Variants in ATP11C observed in about 807,000 individuals in gnomAD.
The protein encoded by ATP11C is phospholipid-transporting ATPase IG.
A neutral mutation model predicts 97.4 loss-of-function variants in ATP11C; 36 were observed. That is an observed-to-expected ratio of 0.37 (90% confidence interval 0.28 to 0.49). The LOEUF is 0.49. ATP11C is among the 20% of genes least tolerant of loss of function. ATP11C has a pLI of 0.98. For missense variants in ATP11C, 730 were observed against 824.6 expected, an observed-to-expected ratio of 0.89 and a Z score of 1.40; for synonymous variants, 275 against 290.9, an observed-to-expected ratio of 0.95 and a Z score of 0.56.
chrX:139,811,076 A>G (rs1215129435), intron 5 of ATP11C, among the ~76,000 whole-genome samples: 1 of 111,628 alleles, frequency 9.0e-6, no homozygotes, highest in African/African-American at 3.3e-5. Flanking sequence ...TTGAAGTACT[A>G]GAGTATAACT....
At chrX:139,915,075 G>C (rs756726217) in intron 1 of ATP11C, among the ~76,000 whole-genome samples, 1 of 111,412 alleles carries the variant, frequency 9.0e-6, no homozygotes, top group African/African-American at 3.3e-5. Context: ...TGAAATCATG[G>C]ATCAGCAATT....
rs1391820454 is a variant in ATP11C, at chrX:139,741,035, T to G, written c.3090A>C (p.Leu1030Phe). The G allele has an allele frequency of 5.8e-6, 7 of 1,206,011 alleles. No individual in the cohort carries two copies. The highest frequency in any genetic ancestry group is 7.8e-6 in the Non-Finnish European group (7 of 892,247). The change falls in exon 27 of 30, where the codon TTA becomes TTC. Residue 1030 changes from leucine to phenylalanine, a missense_variant. Coordinates refer to ENST00000682941, the MANE Select transcript of ATP11C (RefSeq NM_001353812.2). ...WINHFVIWGSLAFYVFFSFFW... is the reference protein window; with the variant it reads ...WINHFVIWGSFAFYVFFSFFW... ...AGAATGAGAAAAATACATAGAAGGC[T>G]AAAGAACCCCAAATCACAAAGTGAT...
chrX:139,936,380 A>G (rs2085515480), upstream of ATP11C, among the ~76,000 whole-genome samples: 1 of 111,108 alleles, frequency 9.0e-6, no homozygotes, highest in Non-Finnish European at 1.9e-5. Flanking sequence ...GACTATGTAA[A>G]GTAGGCCCTC....
At chrX:139,823,141 C>T (rs1043962756) in intron 2 of ATP11C, among the ~76,000 whole-genome samples, 4 of 110,276 alleles carry the variant, frequency 3.6e-5, no homozygotes, top group African/African-American at 9.9e-5. Context: ...ACCCATGAGG[C>T]GGAGGTTGCA....
chrX:139,841,940 TA>T (rs1312126823), intron 1 of ATP11C, among the ~76,000 whole-genome samples: 1 of 112,449 alleles, frequency 8.9e-6, no homozygotes, highest in Non-Finnish European at 1.9e-5. Context: ...CTTATCAGGT[TA>T]TAACTCAAAG....
At chrX:139,795,126 C>T (rs1364796073) in intron 12 of ATP11C, among the ~76,000 whole-genome samples, 1 of 112,040 alleles carries the variant, frequency 8.9e-6, no homozygotes, top group Non-Finnish European at 1.9e-5. Flanking sequence ...CGGCAGCCCA[C>T]ATTGTCAACA....
rs1457585067 is a variant in ATP11C at position 139,757,886 on chromosome X, G to GACAAGGATTAACATTTTC, written c.2641-37_2641-20dup. 1.8e-6 allele frequency: 2 copies of GACAAGGATTAACATTTTC among 1,081,415 alleles called. No individual in the cohort carries two copies. The highest frequency in any genetic ancestry group is 3.7e-5 in the African/African-American group (2 of 53,524). 89.1% of individuals were successfully genotyped at this position (1,081,415 alleles called of 1,213,427 possible). On this transcript the variant is annotated intron_variant, in intron 22 of 29. Coordinates refer to ENST00000682941, the MANE Select transcript of ATP11C (RefSeq NM_001353812.2). ...AAAGGTTCTGAAAAAAAAAAATTAAGACAAGGATTAACATTTTCACTTAAT... is the reference window on the plus strand; with the variant it reads ...AAAGGTTCTGAAAAAAAAAAATTAAGACAAGGATTAACATTTTCACAAGGATTAACATTTTCACTTAAT...
At chrX:139,820,046 G>C (rs2083371797) in intron 2 of ATP11C, among the ~76,000 whole-genome samples, 1 of 111,338 alleles carries the variant, frequency 9.0e-6, no homozygotes, top group Admixed American at 9.5e-5. Flanking sequence ...AATTAGCCGG[G>C]TGTGGTGACG....
chrX:139,773,772 C>T (rs1394959680), intron 19 of ATP11C, among the ~76,000 whole-genome samples: 1 of 112,213 alleles, frequency 8.9e-6, no homozygotes, highest in African/African-American at 3.2e-5. Context: ...GATGAGGATA[C>T]AGATATAGCA....
intron 1 of ATP11C, among the ~76,000 whole-genome samples, chrX:139,849,069 G>A (rs1387910710): frequency 1.8e-5 from 2 of 111,219 alleles, no homozygotes; most frequent in East Asian, 5.7e-4. Flanking sequence ...CTCTCTATAT[G>A]GGTGACCTTG....
intron 26 of ATP11C, among the ~76,000 whole-genome samples, chrX:139,742,864 TAAAA>T (rs573243237): frequency 3.4e-3 from 68 of 20,122 alleles, no homozygotes; most frequent in African/African-American, 0.015. Flanking sequence ...ATTTTTAAAT[TAAAA>T]AAAAAAAAAT....
chrX:139,816,808 A>T, intron 4 of ATP11C, 55 bp downstream of exon 4: 1 of 839,269 alleles, frequency 1.2e-6, no homozygotes, highest in Non-Finnish European at 1.7e-6. Flanking sequence ...TTTGACAATG[A>T]AATTCCAACA....
At chrX:139,927,529 G>A (rs1398595296) in intron 1 of ATP11C, among the ~76,000 whole-genome samples, 30 of 111,206 alleles carry the variant, frequency 2.7e-4, no homozygotes, top group Non-Finnish European at 5.7e-5. Context: ...GCTTGAACTC[G>A]TGAGGCGGAG....
At chrX:139,740,398 CATCT>C (rs945822566) in intron 27 of ATP11C, among the ~76,000 whole-genome samples, 23 of 111,553 alleles carry the variant, frequency 2.1e-4, no homozygotes, top group Non-Finnish European at 3.8e-4. Flanking sequence ...TCTGAACAAA[CATCT>C]ATCTACTGAA....
In ATP11C at chrX:139,742,877, ATATATATATATATATATAT is replaced by A. The variant is rs1191456088; in HGVS notation, c.3030+663_3030+681del. ...TTATTTTTAAATTAAAAAAAAAAAA[ATATATATATATATATATAT>A]ATATATATATATATATAAAAATAGA... On this transcript the variant is annotated intron_variant, in intron 26 of 29. Transcript: ENST00000682941. Among the ~76,000 whole-genome samples the A allele has an allele frequency of 4.5e-3, 310 of 68,357 alleles. 3 individuals are homozygous for A. Among genetic ancestry groups the A allele is most frequent in the African/African-American group, 0.018 (289 of 15,826 alleles). 59.4% of individuals were successfully genotyped at this position (68,357 alleles called of 115,157 possible).
intron 9 of ATP11C, 52 bp from the exon 10 acceptor site, chrX:139,798,406 C>A: frequency 1.0e-6 from 1 of 966,983 alleles, no homozygotes. Context: ...ACCAACTCCT[C>A]ACCCAGCTGG....
chrX:139,894,681 A>C (rs2084779107), intron 1 of ATP11C, among the ~76,000 whole-genome samples: 1 of 112,110 alleles, frequency 8.9e-6, no homozygotes, highest in African/African-American at 3.2e-5. Flanking sequence ...AACGTGATGG[A>C]TATCCCAATT....
At chrX:139,853,430 GAC>G (rs1157823986) in intron 1 of ATP11C, among the ~76,000 whole-genome samples, 2 of 107,162 alleles carry the variant, frequency 1.9e-5, no homozygotes, top group Non-Finnish European at 3.8e-5. Context: ...CAGAGGAAGA[GAC>G]AGAGAGACAA....
At chrX:139,815,313 T>C (rs2083262502) in intron 4 of ATP11C, among the ~76,000 whole-genome samples, 1 of 112,381 alleles carries the variant, frequency 8.9e-6, no homozygotes. Context: ...GTTAATTCTA[T>C]TTTTTAATTT....
Sources: allele counts gnomAD v4.1 joint callset (sites outside exome capture counted in the v4.1 genomes callset), GRCh38; gene constraint gnomAD v4.1.1; transcripts MANE v1.5; gene names NCBI Gene and HGNC (gene_info 2026-07-23, HGNC 2026-07-21).